Variants in SYTL5 observed in about 807,000 individuals in gnomAD.
SYTL5 encodes the protein synaptotagmin like 5.
SYTL5 carries 34 observed loss-of-function variants against 55.9 expected under a neutral mutation model. The observed-to-expected ratio is 0.61, with a 90% CI of 0.46 to 0.81. The LOEUF is 0.81. Among genes scored for constraint, SYTL5 ranks in the 30% least tolerant of loss-of-function variants. The pLI, the probability that SYTL5 is intolerant of heterozygous loss-of-function variation, is 0.00. For missense variants in SYTL5, 637 were observed against 546.7 expected (o/e 1.17, Z -1.65); for synonymous variants, 221 against 188.7 (o/e 1.17, Z -1.40).
chrX:37,963,289 G>GTT, the SYTL5 span, among the ~76,000 whole-genome samples: 13 of 86,935 alleles, frequency 1.5e-4, no homozygotes, highest in Non-Finnish European at 2.0e-4. Flanking sequence ...GTTTTTGTGG[G>GTT]TTTTTTTTTT....
chrX:38,057,306 T>C (rs750680344), intron 3 of SYTL5, among the ~76,000 whole-genome samples: 2 of 111,703 alleles, frequency 1.8e-5, no homozygotes, highest in African/African-American at 3.2e-5. Context: ...TGTATGTATA[T>C]GTTTCTTCAT....
Position 38,120,438 on chromosome X carries a change from C to A in SYTL5, c.1677C>A (p.Asn559Lys). ...TACGTTACATTCCCCCAGAAGAGAACCTGATGCTTCCACCAGAACAACTCC... is the reference window on the plus strand; with the variant it reads ...TACGTTACATTCCCCCAGAAGAGAAACTGATGCTTCCACCAGAACAACTCC... ...VVLRYIPPEENLMLPPEQLQG... is the reference protein window; with the variant it reads ...VVLRYIPPEEKLMLPPEQLQG... Residue 559 changes from asparagine (N) to lysine (K), a missense_variant, in exon 14 of 17, where the codon AAC (asparagine) becomes AAA (lysine). By Grantham distance (94) the Asn-to-Lys change is moderately conservative. Coordinates refer to ENST00000297875, the MANE Select transcript of SYTL5 (RefSeq NM_138780.3). 4.1e-6 allele frequency: 5 copies of A among 1,206,545 alleles called. No homozygotes were observed. Among genetic ancestry groups the A allele is most frequent in the Non-Finnish European group, 5.6e-6 (5 of 890,839 alleles).
the SYTL5 span, among the ~76,000 whole-genome samples, chrX:37,927,599 C>A: frequency 2.7e-5 from 3 of 109,495 alleles, no homozygotes; most frequent in Non-Finnish European, 3.8e-5. Flanking sequence ...CATAGTGAAG[C>A]CTCGTCTCTA....
the SYTL5 span, among the ~76,000 whole-genome samples, chrX:37,948,548 G>A: frequency 7.3e-5 from 8 of 109,740 alleles, no homozygotes; most frequent in African/African-American, 2.6e-4. Flanking sequence ...TATATTTAGA[G>A]TATACAACTT....
intron 2 of SYTL5, among the ~76,000 whole-genome samples, chrX:38,045,964 G>C (rs1269660699): frequency 8.9e-6 from 1 of 111,882 alleles, no homozygotes; most frequent in African/African-American, 3.3e-5. Context: ...TTAACTTTGA[G>C]TGTGCTCAGC....
At chrX:38,000,891 T>A in the SYTL5 span, among the ~76,000 whole-genome samples, 1 of 111,869 alleles carries the variant, frequency 8.9e-6, no homozygotes, top group Non-Finnish European at 1.9e-5. Context: ...GTTTTGCTGG[T>A]CAATGGCCTG....
chrX:37,966,541 G>A, the SYTL5 span, among the ~76,000 whole-genome samples: 3 of 103,603 alleles, frequency 2.9e-5, no homozygotes, highest in Non-Finnish European at 3.9e-5. Context: ...AGGATCAAGC[G>A]ATTCTCCTGC....
intron 1 of SYTL5, among the ~76,000 whole-genome samples, chrX:38,029,709 T>C (rs1334633239): frequency 8.9e-6 from 1 of 112,050 alleles, no homozygotes; most frequent in Non-Finnish European, 1.9e-5. Flanking sequence ...GTCTTTATTT[T>C]ATCAATAATC....
the SYTL5 span, among the ~76,000 whole-genome samples, chrX:37,932,715 A>T: frequency 8.9e-6 from 1 of 112,127 alleles, no homozygotes; most frequent in South Asian, 3.7e-4. Flanking sequence ...TTTGTTCACA[A>T]TTTTGTGGGC....
chrX:37,972,879 G>A, the SYTL5 span, among the ~76,000 whole-genome samples: 1 of 86,735 alleles, frequency 1.2e-5, no homozygotes, highest in South Asian at 5.2e-4. Flanking sequence ...TCCATAGAAA[G>A]GAATGTTCAG....
chrX:37,924,365 A>G, the SYTL5 span, among the ~76,000 whole-genome samples: 2 of 111,541 alleles, frequency 1.8e-5, no homozygotes, highest in African/African-American at 6.5e-5. Context: ...CTAATACTTC[A>G]GAGGTTGATG....
chrX:38,052,564 T>A (rs1935653009), intron 2 of SYTL5, among the ~76,000 whole-genome samples: 1 of 112,125 alleles, frequency 8.9e-6, no homozygotes, highest in Admixed American at 9.5e-5. Flanking sequence ...TTATTATTTT[T>A]AACATGAGTC....
the SYTL5 span, among the ~76,000 whole-genome samples, chrX:37,909,334 G>A: frequency 1.7e-3 from 193 of 112,440 alleles, 2 homozygotes; most frequent in South Asian, 0.025. Context: ...GATTACAATT[G>A]TCTTAGATTT....
chrX:38,017,918 G>A (rs1934413359), intron 1 of SYTL5, among the ~76,000 whole-genome samples: 1 of 109,428 alleles, frequency 9.1e-6, no homozygotes, highest in Non-Finnish European at 1.9e-5. Context: ...ATGGGTCCAG[G>A]TGCCGGCGGT....
At chrX:38,032,039 G>C (rs1934968042) in intron 1 of SYTL5, among the ~76,000 whole-genome samples, 1 of 112,151 alleles carries the variant, frequency 8.9e-6, no homozygotes, top group African/African-American at 3.2e-5. Flanking sequence ...ATAGGGGTTT[G>C]TGGAAGTCGA....
At chrX:38,010,959 G>T (rs1934158559) in intron 1 of SYTL5, among the ~76,000 whole-genome samples, 1 of 111,562 alleles carries the variant, frequency 9.0e-6, no homozygotes, top group African/African-American at 3.3e-5. Context: ...ATTTACATAA[G>T]AATAAACTGA....
chrX:37,903,369 C>T, the SYTL5 span, among the ~76,000 whole-genome samples: 1 of 107,206 alleles, frequency 9.3e-6, no homozygotes, highest in Non-Finnish European at 1.9e-5. Context: ...ACTATGCAGC[C>T]ATAAAAAATG....
intron 1 of SYTL5, chrX:38,023,887 A>G (rs1015341222): frequency 9.6e-6 from 1 of 104,554 alleles, no homozygotes; most frequent in Non-Finnish European, 2.0e-5. Context: ...GAAAATAAAC[A>G]GTGATCTTAA....
intron 2 of SYTL5, among the ~76,000 whole-genome samples, chrX:38,053,247 C>T (rs1935674984): frequency 8.9e-6 from 1 of 112,382 alleles, no homozygotes; most frequent in Non-Finnish European, 1.9e-5. Context: ...ACACTTGGAA[C>T]AGCAATTTTC....
Sources: gnomAD v4.1 joint callset for allele counts (sites outside exome capture counted in the v4.1 genomes callset) on GRCh38, gnomAD v4.1.1 for gene constraint, MANE v1.5 for transcripts, NCBI Gene and HGNC (gene_info 2026-07-23, HGNC 2026-07-21) for gene names.